Variants in CLEC4G observed in about 807,000 individuals in gnomAD.
The protein encoded by CLEC4G is C-type lectin superfamily 4, member G.
A neutral mutation model predicts 37.0 loss-of-function variants in CLEC4G; 34 were observed. That is an observed-to-expected ratio of 0.92 (90% CI 0.70 to 1.22). The LOEUF is 1.22. Among genes scored for constraint, CLEC4G ranks in the 50% most tolerant of loss-of-function variants. The pLI is 0.00. For synonymous variants in CLEC4G, 167 were observed against 165.6 expected (o/e 1.01, Z -0.06); for missense variants, 390 against 392.9 (o/e 0.99, Z 0.06).
chr19:7,730,746 G>C lies in CLEC4G; in HGVS notation c.388+9C>G, dbSNP rs1199501759. The C allele has an allele frequency of 2.6e-6, 4 of 1,530,580 alleles. No homozygotes were observed. The highest frequency in any genetic ancestry group is 3.5e-6 in the Non-Finnish European group (4 of 1,144,712). The allele number at this position is 1,530,580 out of a possible 1,614,324, so 94.8% of individuals were successfully genotyped here. ...AGGGCTCAGGGCCGGGGTCGCGTCGGGCCCTCACCGCGCTCACGCAGTTCC... is the reference window on the plus strand; with the variant it reads ...AGGGCTCAGGGCCGGGGTCGCGTCGCGCCCTCACCGCGCTCACGCAGTTCC... On this transcript the variant is annotated intron_variant, in intron 5 of 8. Coordinates refer to ENST00000328853, the MANE Select transcript of CLEC4G (RefSeq NM_198492.4). The surrounding 1 kb of genome is among the most constrained non-coding windows in gnomAD (Gnocchi z 7.3).
At position 7,730,964 on chromosome 19, in the gene CLEC4G, C is replaced by T; in HGVS notation, c.283+62G>A. ...CCGCCGCAGGCCTCCGCCCCGGCCC[C>T]CCTCCCATCGCGGCCGCAAGACCCC... On this transcript the variant is annotated intron_variant, in intron 4 of 8. Coordinates refer to ENST00000328853, the MANE Select transcript of CLEC4G (RefSeq NM_198492.4). This position sits in a 1 kb window ranked among gnomAD's most constrained non-coding sequence, Gnocchi z 7.3. The T allele has an allele frequency of 2.0e-6, 3 of 1,523,658 alleles. No homozygotes were observed. The highest frequency in any genetic ancestry group is 2.6e-6 in the Non-Finnish European group (3 of 1,139,092). The allele number at this position is 1,523,658 out of a possible 1,614,324, so 94.4% of individuals were successfully genotyped here. A position where few individuals can be genotyped will look rare whatever the true frequency, so the allele number is the denominator to read the frequency against.
rs1409926746 is a variant in CLEC4G at position 7,730,459 on chromosome 19, G to A, written c.389-19C>T. Reference sequence around the variant, plus strand: ...TGGGTCACTGCGGGGTCAAGGGAGCGGGGATTATGGCTGGGGTCAGGGCCA... The same window carrying A: ...TGGGTCACTGCGGGGTCAAGGGAGCAGGGATTATGGCTGGGGTCAGGGCCA... On this transcript the variant is annotated intron_variant, in intron 5 of 8. Transcript: ENST00000328853. The surrounding 1 kb of genome is among the most constrained non-coding windows in gnomAD (Gnocchi z 7.3). 12 of 1,598,310 alleles carry A rather than the reference G, an allele frequency of 7.5e-6. No individual in the cohort carries two copies. Among genetic ancestry groups the A allele is most frequent in the African/African-American group, 1.3e-5 (1 of 74,858 alleles).
Position 7,731,290 on chromosome 19 carries a change from C to CTTG in CLEC4G, c.195_196insCAA (p.Asp65_Gly66insGln). On this transcript the variant is annotated inframe_insertion, in exon 3 of 9. Coordinates refer to ENST00000328853, the MANE Select transcript of CLEC4G (RefSeq NM_198492.4). ...CCGTTTGTCCTCAGCAGGTCGTGGCCGTCAAGCAGCGCCGCGCGCTCCGTG... is the reference window on the plus strand; with the variant it reads ...CCGTTTGTCCTCAGCAGGTCGTGGCCTTGGTCAAGCAGCGCCGCGCGCTCCGTG... 6.3e-7 allele frequency: 1 copy of CTTG among 1,587,326 alleles called. No individual in the cohort carries two copies. The highest frequency in any genetic ancestry group is 1.7e-4 in the Middle Eastern group (1 of 6,006).
Position 7,729,418 on chromosome 19 carries a change from G to A in CLEC4G, c.830C>T (p.Pro277Leu). Residue 277 changes from proline to leucine, a missense_variant, in exon 9 of 9, where the codon CCG becomes CTG. Transcript: ENST00000328853. Reference protein sequence around the residue: ...MLHTGLWNDAPCDSEKDGWIC... With the variant: ...MLHTGLWNDALCDSEKDGWIC... The stretch of plus-strand genomic sequence containing the variant: ...CCAGCCGTCCTTCTCGCTGTCACAC[G>A]GTGCGTCGTTCCACAGCCCCGTGTG... 3.1e-6 allele frequency: 5 copies of A among 1,606,690 alleles called. No homozygotes were observed. Among genetic ancestry groups the A allele is most frequent in the Non-Finnish European group, 4.3e-6 (5 of 1,173,410 alleles).
intron 1 of CLEC4G, 108 bp from the exon 2 acceptor site, chr19:7,731,879 C>A: frequency 6.5e-7 from 1 of 1,526,936 alleles, no homozygotes; most frequent in South Asian, 1.2e-5. Flanking sequence ...TGCCTATGGT[C>A]ACACAGCTTC....
Position 7,729,863 on chromosome 19 carries a change from AC to A in CLEC4G, c.700del (p.Val234PhefsTer33). On this transcript the variant is annotated frameshift_variant, in exon 8 of 9. Coordinates refer to ENST00000328853, the MANE Select transcript of CLEC4G (RefSeq NM_198492.4). LOFTEE classifies it low-confidence loss of function (END_TRUNC). ...TCCGTCCACCCACTGGTAGCCCTGA[AC>A]CTTGCCCAGATGGCGCACAGCCCTC... ...GLRAVRHLGK[V>X]QGYQWVDGVS... The A allele has an allele frequency of 6.2e-7, 1 of 1,614,022 alleles. No homozygotes were observed.
At position 7,729,032 on chromosome 19, in the gene CLEC4G, C is replaced by T. The variant is rs183139047; in HGVS notation, c.*334G>A. ...ACAGCTTCCAGTTTGGTGGAAAATGCGAGAAAACCAAACAGCTCCAGTCCT... is the reference window on the plus strand; with the variant it reads ...ACAGCTTCCAGTTTGGTGGAAAATGTGAGAAAACCAAACAGCTCCAGTCCT... On this transcript the variant is annotated 3_prime_UTR_variant, in exon 9 of 9. Transcript: ENST00000328853. 1.4e-4 allele frequency: 58 copies of T among 410,364 alleles called. No individual in the cohort carries two copies. The highest frequency in any genetic ancestry group is 1.4e-3 in the East Asian group (24 of 17,670). 25.4% of individuals were successfully genotyped at this position (410,364 alleles called of 1,614,324 possible).
At chr19:7,731,793 G>A (rs1484449167) in intron 1 of CLEC4G, 22 bp from the exon 2 acceptor site, 2 of 1,606,328 alleles carry the variant, frequency 1.2e-6, no homozygotes, top group Non-Finnish European at 1.7e-6. Flanking sequence ...AGGACGGCAT[G>A]CTGGGTCCCC....
In CLEC4G at chr19:7,730,399, C is replaced by A. The variant is rs146808396; in HGVS notation, c.430G>T (p.Val144Phe). 4.8e-4 allele frequency: 764 copies of A among 1,602,418 alleles called. No homozygotes were observed. Among genetic ancestry groups the A allele is most frequent in the Non-Finnish European group, 6.2e-4 (727 of 1,179,888 alleles). The change falls in exon 6 of 9, where the codon GTC becomes TTC. Residue 144 changes from valine to phenylalanine, a missense_variant. Val to Phe is a conservative substitution (Grantham distance 50). Coordinates refer to ENST00000328853, the MANE Select transcript of CLEC4G (RefSeq NM_198492.4). The surrounding 1 kb of genome is among the most constrained non-coding windows in gnomAD (Gnocchi z 7.3). ...LAEAGRGRED[V>F]RTELFRALEA... ...AGCGCCCGGAACAGCTCAGTGCGGA[C>A]GTCCTCACGGCCCCTGCCGGCTTCA... is the stretch of plus-strand genomic sequence containing the variant.
rs768539440 is a variant in CLEC4G at position 7,730,385 on chromosome 19, C to T, written c.444G>A (p.Leu148=). 3 of 1,603,122 alleles carry T rather than the reference C, an allele frequency of 1.9e-6. No homozygotes were observed. The Admixed American group carries it at 5.0e-5, about 27-fold the overall frequency. The change falls in exon 6 of 9, where the codon CTG becomes CTA. Residue 148 remains leucine, a synonymous_variant. Coordinates refer to ENST00000328853, the MANE Select transcript of CLEC4G (RefSeq NM_198492.4). The surrounding 1 kb of genome is among the most constrained non-coding windows in gnomAD (Gnocchi z 7.3). ...GRGREDVRTE[L]FRALEAVRLQ... Reference sequence around the variant, plus strand: ...GCCTCACGGCCTCCAGCGCCCGGAACAGCTCAGTGCGGACGTCCTCACGGC... The same window carrying T: ...GCCTCACGGCCTCCAGCGCCCGGAATAGCTCAGTGCGGACGTCCTCACGGC...
At position 7,730,023 on chromosome 19, in the gene CLEC4G, T is replaced by A; in HGVS notation, c.623A>T (p.Glu208Val). The A allele has an allele frequency of 6.3e-7, 1 of 1,598,020 alleles. No individual in the cohort carries two copies. ...AHLVIVGGLD[E>V]QGFLTRNTRG... The stretch of plus-strand genomic sequence containing the variant: ...ACGCCCCCTCCCCCTGCGCACCTGC[T>A]CATCCAGGCCCCCAACGATCACCAG... The change falls in exon 7 of 9, where the codon GAG becomes GTG. Residue 208 changes from glutamate to valine, a missense_variant. Glu to Val is a moderately radical substitution (Grantham distance 121). Transcript: ENST00000328853. The surrounding 1 kb of genome is among the most constrained non-coding windows in gnomAD (Gnocchi z 7.3).
rs1348366232 is a variant in CLEC4G at position 7,730,197 on chromosome 19, C to G, written c.479-30G>C. On this transcript the variant is annotated intron_variant, in intron 6 of 8. Coordinates refer to ENST00000328853, the MANE Select transcript of CLEC4G (RefSeq NM_198492.4). The surrounding 1 kb of genome is among the most constrained non-coding windows in gnomAD (Gnocchi z 7.3). ...GGGGTGGCGAGGGTCAGAGAGGTCG[C>G]GTGCTTCCAGGGGCAACGCACCGAG... 1.1e-5 allele frequency: 17 copies of G among 1,605,570 alleles called. No individual in the cohort carries two copies. Among genetic ancestry groups the G allele is most frequent in the Non-Finnish European group, 1.4e-5 (17 of 1,176,534 alleles).
At position 7,729,282 on chromosome 19, in the gene CLEC4G, A is replaced by T. The variant is rs1442362358; in HGVS notation, c.*84T>A. The T allele has an allele frequency of 3.3e-6, 3 of 903,778 alleles. No homozygotes were observed. Among genetic ancestry groups the T allele is most frequent in the East Asian group, 2.4e-5 (1 of 41,790 alleles). The allele number at this position is 903,778 out of a possible 1,614,324, so 56.0% of individuals were successfully genotyped here. On this transcript the variant is annotated 3_prime_UTR_variant, in exon 9 of 9. Coordinates refer to ENST00000328853, the MANE Select transcript of CLEC4G (RefSeq NM_198492.4). ...GATGAGGAAGAAAAAACTCTTTGGC[A>T]ATCAGCTCCAGGAGCCAGGGAGGTG... is the stretch of plus-strand genomic sequence containing the variant.
At position 7,729,942 on chromosome 19, in the gene CLEC4G, A is replaced by C. The variant is rs747396861; in HGVS notation, c.628-6T>G. On this transcript the variant is annotated splice_polypyrimidine_tract_variant and splice_region_variant and intron_variant, in intron 7 of 8. Transcript: ENST00000328853. ...GTGTTCCGAGTGAGGAAGCCCTAGA[A>C]AGGAGGGGACATCTGAGCCTGCAGA... is the stretch of plus-strand genomic sequence containing the variant. The C allele has an allele frequency of 6.2e-7, 1 of 1,613,846 alleles. No homozygotes were observed. Among genetic ancestry groups the C allele is most frequent in the Admixed American group, 1.7e-5 (1 of 60,012 alleles).
rs2033393982 is a variant in CLEC4G at position 7,729,503 on chromosome 19, G to A, written c.745C>T (p.His249Tyr). The A allele has an allele frequency of 6.3e-7, 1 of 1,593,274 alleles. No homozygotes were observed. The highest frequency in any genetic ancestry group is 1.3e-5 in the African/African-American group (1 of 74,376). Residue 249 changes from histidine (H) to tyrosine (Y), a missense_variant and splice_region_variant, in exon 9 of 9, where the codon CAC becomes TAC. Physicochemically the swap from His to Tyr is moderately conservative, Grantham distance 83. Transcript: ENST00000328853. ...WVDGVSLSFSHWNQGEPNDAW... is the reference protein window; with the variant it reads ...WVDGVSLSFSYWNQGEPNDAW... ...TCATTGGGCTCTCCCTGGTTCCAGT[G>A]GCTACAGGGGGGTTGAGTGGGGGTG...
Position 7,730,301 on chromosome 19 carries a change from G to C in CLEC4G, c.478+50C>G. On this transcript the variant is annotated intron_variant, in intron 6 of 8. Coordinates refer to ENST00000328853, the MANE Select transcript of CLEC4G (RefSeq NM_198492.4). This position sits in a 1 kb window ranked among gnomAD's most constrained non-coding sequence, Gnocchi z 7.3. ...ACCAGGCCAAGGTCCAGGAGTGACA[G>C]GGTCCGCTTACGCCCTCACAGCCCG... 1 of 1,582,618 alleles carries C rather than the reference G, an allele frequency of 6.3e-7. No individual in the cohort carries two copies. Among genetic ancestry groups the C allele is most frequent in the South Asian group, 1.1e-5 (1 of 87,834 alleles).
chr19:7,730,833 T>C lies in CLEC4G; in HGVS notation c.310A>G (p.Thr104Ala). 6.5e-7 allele frequency: 1 copy of C among 1,531,122 alleles called. No individual in the cohort carries two copies. Among genetic ancestry groups the C allele is most frequent in the Non-Finnish European group, 8.7e-7 (1 of 1,145,454 alleles). 94.8% of individuals were successfully genotyped at this position (1,531,122 alleles called of 1,614,324 possible). The change falls in exon 5 of 9, where the codon ACC (threonine) becomes GCC (alanine). Residue 104 changes from threonine (T) to alanine (A), a missense_variant. Thr to Ala is a moderately conservative substitution (Grantham distance 58). Coordinates refer to ENST00000328853, the MANE Select transcript of CLEC4G (RefSeq NM_198492.4). This position sits in a 1 kb window ranked among gnomAD's most constrained non-coding sequence, Gnocchi z 7.3. ...GCCTCCCCAAGCTCCGCGCGCGTGGTCTGCAGCTGCGCCTGCGTCCCCGAG... is the reference window on the plus strand; with the variant it reads ...GCCTCCCCAAGCTCCGCGCGCGTGGCCTGCAGCTGCGCCTGCGTCCCCGAG... The part of the protein sequence containing the change: ...CCSGTQAQLQ[T>A]TRAELGEAQA...
In CLEC4G at chr19:7,729,457, C is replaced by G; in HGVS notation, c.791G>C (p.Cys264Ser). Residue 264 changes from cysteine to serine, a missense_variant, in exon 9 of 9, where the codon TGT becomes TCT. Cys to Ser is a moderately radical substitution (Grantham distance 112). Coordinates refer to ENST00000328853, the MANE Select transcript of CLEC4G (RefSeq NM_198492.4). ...CAGCCCCGTGTGCAGCATCATGACA[C>G]AGTTCTCGCGCCCCCAAGCGTCATT... ...EPNDAWGREN[C>S]VMMLHTGLWN... The G allele has an allele frequency of 6.2e-7, 1 of 1,604,382 alleles. No homozygotes were observed. Among genetic ancestry groups the G allele is most frequent in the Non-Finnish European group, 8.5e-7 (1 of 1,171,260 alleles).
rs201274375 is a variant in CLEC4G, at chr19:7,729,485, G to T, written c.763C>A (p.Pro255Thr). ...LSFSHWNQGEPNDAWGRENCV... is the reference protein window; with the variant it reads ...LSFSHWNQGETNDAWGRENCV... ...TTCTCGCGCCCCCAAGCGTCATTGG[G>T]CTCTCCCTGGTTCCAGTGGCTACAG... Residue 255 changes from proline (P) to threonine (T), a missense_variant, in exon 9 of 9, where the codon CCC (proline) becomes ACC (threonine). Coordinates refer to ENST00000328853, the MANE Select transcript of CLEC4G (RefSeq NM_198492.4). 1.9e-5 allele frequency: 30 copies of T among 1,605,452 alleles called. No individual in the cohort carries two copies. In the East Asian group the frequency reaches 6.7e-4, roughly 36 times the overall value.
Sources: allele counts gnomAD v4.1 joint callset, GRCh38; gene constraint gnomAD v4.1.1; non-coding constraint Gnocchi (gnomAD v3.1); transcripts MANE v1.5; gene names NCBI Gene and HGNC (gene_info 2026-07-23, HGNC 2026-07-21).